THSD4: variants seen among roughly 807,000 people sequenced by gnomAD.
The protein encoded by THSD4 is thrombospondin type-1 domain-containing protein 4.
THSD4 carries 69 observed loss-of-function variants against 119.0 expected under a neutral mutation model. The ratio of observed to expected loss-of-function variants is 0.58; its 90% CI spans 0.48 to 0.71. The LOEUF (loss-of-function observed/expected upper bound fraction) is 0.71, where lower values mean the gene tolerates loss of function less well. Ranked by LOEUF, THSD4 falls within the 30% of genes least tolerant of loss-of-function variation. THSD4 has a pLI of 0.00. For missense variants in THSD4, 1,393 were observed against 1,391.1 expected, an observed-to-expected ratio of 1.00 and a Z score of -0.02; for synonymous variants, 524 against 540.4, an observed-to-expected ratio of 0.97 and a Z score of 0.42.
intron 6 of THSD4, among the ~76,000 whole-genome samples, chr15:71,262,522 C>G (rs528876628): frequency 6.6e-6 from 1 of 152,252 alleles, no homozygotes; most frequent in South Asian, 2.1e-4. Flanking sequence ...CAGCATGAGA[C>G]TGGAGTTTTG....
intron 7 of THSD4, among the ~76,000 whole-genome samples, chr15:71,639,535 C>T (rs1223101454): frequency 6.6e-6 from 1 of 152,096 alleles, no homozygotes; most frequent in African/African-American, 2.4e-5. Flanking sequence ...TTACTTAATT[C>T]AAGAATTATT....
intron 5 of THSD4, among the ~76,000 whole-genome samples, chr15:71,245,448 A>C (rs993875772): frequency 1.3e-5 from 2 of 152,126 alleles, no homozygotes; most frequent in Admixed American, 6.6e-5. Context: ...ATTTCCTAGG[A>C]GGACTCATAA....
chr15:71,717,287 A>T (rs1370845359), intron 8 of THSD4, among the ~76,000 whole-genome samples: 1 of 152,244 alleles, frequency 6.6e-6, no homozygotes, highest in Non-Finnish European at 1.5e-5. Context: ...GGTGAATGCC[A>T]TGGAATTCTA....
intron 7 of THSD4, among the ~76,000 whole-genome samples, chr15:71,454,974 A>T (rs1316388792): frequency 6.6e-6 from 1 of 152,188 alleles, no homozygotes; most frequent in African/African-American, 2.4e-5. Flanking sequence ...TTTCAACATG[A>T]ATCTTCTCTG....
chr15:71,555,544 A>G (rs2049003978), intron 7 of THSD4, among the ~76,000 whole-genome samples: 1 of 152,182 alleles, frequency 6.6e-6, no homozygotes, highest in Non-Finnish European at 1.5e-5. Flanking sequence ...TGTATCTTGA[A>G]TATGAACCCT....
intron 7 of THSD4, among the ~76,000 whole-genome samples, chr15:71,570,133 C>G (rs2049320807): frequency 6.6e-6 from 1 of 152,136 alleles, no homozygotes; most frequent in African/African-American, 2.4e-5. Context: ...TTAATAACAC[C>G]TAACATCAGT....
chr15:71,567,295 G>C (rs2049260591), intron 7 of THSD4, among the ~76,000 whole-genome samples: 1 of 152,098 alleles, frequency 6.6e-6, no homozygotes, highest in Non-Finnish European at 1.5e-5. Flanking sequence ...AGTGCCAGTG[G>C]TTCCTTTGGC....
intron 6 of THSD4, among the ~76,000 whole-genome samples, chr15:71,323,095 T>TTAAAA (rs1472993685): frequency 8.0e-6 from 1 of 124,972 alleles, no homozygotes; most frequent in Non-Finnish European, 1.6e-5. Context: ...AGACCCTGTC[T>TTAAAA]TAAAAAAAAA....
At chr15:71,459,380 GTC>G (rs141034841) in intron 7 of THSD4, among the ~76,000 whole-genome samples, 1,738 of 137,440 alleles carry the variant, frequency 0.013, 29 homozygotes, top group African/African-American at 0.034. Flanking sequence ...CTGTCTCTCT[GTC>G]TCTCTCTCTC....
At chr15:71,455,858 CT>C (rs2047332087) in intron 7 of THSD4, among the ~76,000 whole-genome samples, 1 of 152,140 alleles carries the variant, frequency 6.6e-6, no homozygotes, top group South Asian at 2.1e-4. Flanking sequence ...ATTTTTTGTG[CT>C]TTTCCCATCA....
intron 7 of THSD4, among the ~76,000 whole-genome samples, chr15:71,549,164 A>AG (rs2048887811): frequency 6.6e-6 from 1 of 152,218 alleles, no homozygotes; most frequent in Non-Finnish European, 1.5e-5. Context: ...CGTTTGAGAG[A>AG]GGAAGGCAGA....
At chr15:71,299,970 A>ATATATATAT (rs1183840842) in intron 6 of THSD4, among the ~76,000 whole-genome samples, 1 of 76,044 alleles carries the variant, frequency 1.3e-5, no homozygotes. Context: ...CAAAAAAAAA[A>ATATATATAT]AAAAAAATAT....
intron 1 of THSD4, among the ~76,000 whole-genome samples, chr15:71,124,019 A>G (rs546045230): frequency 6.6e-6 from 1 of 152,274 alleles, no homozygotes; most frequent in South Asian, 2.1e-4. Flanking sequence ...TGGCTTTCTC[A>G]GTTGCCAAGC....
intron 6 of THSD4, among the ~76,000 whole-genome samples, chr15:71,302,290 G>A (rs1431110764): frequency 6.6e-6 from 1 of 152,120 alleles, no homozygotes; most frequent in Non-Finnish European, 1.5e-5. Flanking sequence ...GCAAGGCTGA[G>A]ACCCAAATAG....
intron 3 of THSD4, among the ~76,000 whole-genome samples, chr15:71,194,425 G>A (rs1463524947): frequency 2.0e-5 from 3 of 152,182 alleles, no homozygotes; most frequent in Non-Finnish European, 4.4e-5. Flanking sequence ...AGGGCACTGC[G>A]GAGGGGTCTG....
chr15:71,128,543 G>A (rs1290112001), intron 1 of THSD4, among the ~76,000 whole-genome samples: 2 of 144,724 alleles, frequency 1.4e-5, no homozygotes, highest in Non-Finnish European at 3.0e-5. Flanking sequence ...AAAAAAAAAG[G>A]CTATAACAAA....
At chr15:71,572,507 C>T (rs1475491006) in intron 7 of THSD4, among the ~76,000 whole-genome samples, 1 of 152,132 alleles carries the variant, frequency 6.6e-6, no homozygotes, top group Admixed American at 6.5e-5. Flanking sequence ...TGGCACTGGG[C>T]TGGCTCTAGG....
chr15:71,173,186 A>G (rs1432898239), intron 3 of THSD4, among the ~76,000 whole-genome samples: 1 of 152,200 alleles, frequency 6.6e-6, no homozygotes, highest in African/African-American at 2.4e-5. Flanking sequence ...AGCAGGATAC[A>G]AGGTCAACAT....
chr15:71,629,232 C>G (rs963613111), intron 7 of THSD4, among the ~76,000 whole-genome samples: 1 of 152,168 alleles, frequency 6.6e-6, no homozygotes, highest in African/African-American at 2.4e-5. Context: ...TAGAGACCCG[C>G]ACTGTCTGCC....
Sources: allele counts gnomAD v4.1 joint callset (sites outside exome capture counted in the v4.1 genomes callset), GRCh38; gene constraint gnomAD v4.1.1; transcripts MANE v1.5; gene names NCBI Gene and HGNC (gene_info 2026-07-23, HGNC 2026-07-21).